Variants in KCNJ6 observed in about 807,000 individuals in gnomAD.
KCNJ6 encodes potassium inwardly rectifying channel subfamily J member 6.
In KCNJ6, 9 loss-of-function variants were observed where a neutral mutation model predicts 34.2. The observed-to-expected ratio is 0.26, with a 90% CI of 0.16 to 0.46. KCNJ6 has a LOEUF of 0.46. Among genes scored for constraint, KCNJ6 ranks in the 20% least tolerant of loss-of-function variants. KCNJ6 has a pLI of 1.00. For missense variants in KCNJ6, 236 were observed against 531.3 expected (o/e 0.44, Z 5.46); for synonymous variants, 196 against 207.1 (o/e 0.95, Z 0.46).
chr21:37,866,149 T>C (rs1006991695), intron 1 of KCNJ6, among the ~76,000 whole-genome samples: 1 of 152,044 alleles, frequency 6.6e-6, no homozygotes, highest in African/African-American at 2.4e-5. Flanking sequence ...GAAGCTTCCC[T>C]GAGAAAAGAA....
At chr21:37,660,151 C>G (rs115801142) in intron 3 of KCNJ6, among the ~76,000 whole-genome samples, 226 of 152,328 alleles carry the variant, frequency 1.5e-3, no homozygotes, top group African/African-American at 4.9e-3. Flanking sequence ...ACGTGCAGAG[C>G]TCACTGTCCA....
intron 2 of KCNJ6, among the ~76,000 whole-genome samples, chr21:37,765,631 A>G (rs1440810632): frequency 6.6e-6 from 1 of 152,242 alleles, no homozygotes. Flanking sequence ...ACTTAAAATA[A>G]CTTAAGACTG....
At chr21:37,894,719 C>T (rs532855736) in intron 1 of KCNJ6, among the ~76,000 whole-genome samples, 2 of 152,098 alleles carry the variant, frequency 1.3e-5, no homozygotes, top group African/African-American at 4.8e-5. Context: ...GCAGCATTAA[C>T]TTACCTGCCT....
At chr21:37,899,359 T>A (rs916314323) in intron 1 of KCNJ6, among the ~76,000 whole-genome samples, 1 of 152,234 alleles carries the variant, frequency 6.6e-6, no homozygotes, top group African/African-American at 2.4e-5. Context: ...CAAGTTGGAC[T>A]AGAAAAGCGA....
chr21:37,736,949 G>A (rs761242129), intron 2 of KCNJ6, among the ~76,000 whole-genome samples: 4 of 152,232 alleles, frequency 2.6e-5, no homozygotes, highest in Non-Finnish European at 5.9e-5. Flanking sequence ...GGCTGTTGCA[G>A]TTGACTGGGG....
At chr21:37,711,986 C>G (rs2054755489) in intron 3 of KCNJ6, among the ~76,000 whole-genome samples, 1 of 152,206 alleles carries the variant, frequency 6.6e-6, no homozygotes, top group African/African-American at 2.4e-5. Flanking sequence ...CCAAGAAAAC[C>G]ATATTCCTCC....
chr21:37,641,232 T>G (rs2054379495), intron 3 of KCNJ6, among the ~76,000 whole-genome samples: 1 of 152,148 alleles, frequency 6.6e-6, no homozygotes, highest in African/African-American at 2.4e-5. Context: ...TTCCATAGTA[T>G]AGTATTTGGC....
intron 2 of KCNJ6, 57 bp downstream of exon 2, chr21:37,840,601 G>T: frequency 1.6e-6 from 2 of 1,217,702 alleles, no homozygotes; most frequent in South Asian, 1.3e-5. Flanking sequence ...TTTTTTGTGC[G>T]ATTTTGCATT....
chr21:37,735,857 A>G (rs3787821), intron 2 of KCNJ6, among the ~76,000 whole-genome samples: 39,796 of 152,102 alleles, frequency 0.26, 5,623 homozygotes, highest in East Asian at 0.52. Context: ...GGGAGAAAGA[A>G]ACACAATCAA....
intron 3 of KCNJ6, among the ~76,000 whole-genome samples, chr21:37,678,289 G>A (rs1312868327): frequency 6.6e-6 from 1 of 152,200 alleles, no homozygotes; most frequent in African/African-American, 2.4e-5. Context: ...AGGTAAGGTA[G>A]CATTGTAAAA....
At chr21:37,881,068 G>C (rs777963139) in intron 1 of KCNJ6, among the ~76,000 whole-genome samples, 3 of 152,126 alleles carry the variant, frequency 2.0e-5, no homozygotes, top group Admixed American at 6.5e-5. Context: ...TGCAGACGTG[G>C]AGAGTCTGGA....
At position 37,777,407 on chromosome 21, in the gene KCNJ6, C is replaced by T. The variant is rs370251730; in HGVS notation, c.26-62276G>A. Reference sequence around the variant, plus strand: ...CACTTTCCCTGGACTCTCTGATTGGCCTTACTCAGCAATGATTTATCTTCT... The same window carrying T: ...CACTTTCCCTGGACTCTCTGATTGGTCTTACTCAGCAATGATTTATCTTCT... On this transcript the variant is annotated intron_variant, in intron 2 of 3. Coordinates refer to ENST00000609713, the MANE Select transcript of KCNJ6 (RefSeq NM_002240.5). Among the ~76,000 whole-genome samples, 6 of 152,184 alleles carry T rather than the reference C, an allele frequency of 3.9e-5. No homozygotes were observed. The East Asian group carries it at 1.2e-3, about 29-fold the overall frequency.
At chr21:37,843,722 T>C (rs1350380985) in intron 1 of KCNJ6, among the ~76,000 whole-genome samples, 2 of 152,180 alleles carry the variant, frequency 1.3e-5, no homozygotes, top group East Asian at 1.9e-4. Flanking sequence ...AGTGATGCAG[T>C]TGATGAAACT....
At chr21:37,877,139 G>A (rs1323608713) in intron 1 of KCNJ6, among the ~76,000 whole-genome samples, 1 of 152,156 alleles carries the variant, frequency 6.6e-6, no homozygotes, top group African/African-American at 2.4e-5. Flanking sequence ...GTGGGATTAA[G>A]TTAAAAAAGG....
intron 2 of KCNJ6, among the ~76,000 whole-genome samples, chr21:37,785,203 G>T (rs548415663): frequency 6.6e-6 from 1 of 152,200 alleles, no homozygotes; most frequent in African/African-American, 2.4e-5. Context: ...GGCCCATGAG[G>T]ATGAGAACCT....
At chr21:37,806,724 C>G (rs2055295176) in intron 2 of KCNJ6, among the ~76,000 whole-genome samples, 1 of 152,174 alleles carries the variant, frequency 6.6e-6, no homozygotes, top group African/African-American at 2.4e-5. Context: ...TAAACATTTT[C>G]TGTGATCAAT....
intron 2 of KCNJ6, among the ~76,000 whole-genome samples, chr21:37,754,437 G>A (rs1207349641): frequency 6.6e-6 from 1 of 152,188 alleles, no homozygotes; most frequent in African/African-American, 2.4e-5. Context: ...TGAAGCCTGT[G>A]GTATGAACTG....
chr21:37,859,243 A>G (rs2055580449), intron 1 of KCNJ6, among the ~76,000 whole-genome samples: 1 of 151,936 alleles, frequency 6.6e-6, no homozygotes, highest in Admixed American at 6.6e-5. Flanking sequence ...GCTATTTATA[A>G]AAGAGAATAT....
chr21:37,803,814 C>T (rs1448189447), intron 2 of KCNJ6, among the ~76,000 whole-genome samples: 1 of 152,210 alleles, frequency 6.6e-6, no homozygotes, highest in Admixed American at 6.5e-5. Context: ...ATGACTCCAT[C>T]TGAGTTGGGC....
Sources: gnomAD v4.1 joint callset for allele counts (sites outside exome capture counted in the v4.1 genomes callset) on GRCh38, gnomAD v4.1.1 for gene constraint, MANE v1.5 for transcripts, NCBI Gene and HGNC (gene_info 2026-07-23, HGNC 2026-07-21) for gene names.